ITGA3: variants seen among roughly 807,000 people sequenced by gnomAD.
The protein encoded by ITGA3 is integrin alpha-3.
ITGA3 carries 70 observed loss-of-function variants against 131.1 expected under a neutral mutation model. The ratio of observed to expected loss-of-function variants is 0.53; its 90% CI spans 0.44 to 0.65. The LOEUF (loss-of-function observed/expected upper bound fraction) is 0.65, where lower values mean the gene tolerates loss of function less well. ITGA3 is among the 30% of genes least tolerant of loss of function. The pLI, the probability that ITGA3 is intolerant of heterozygous loss-of-function variation, is 0.00. For missense variants in ITGA3, 1,098 were observed against 1,388.6 expected, an observed-to-expected ratio of 0.79 and a Z score of 3.33; for synonymous variants, 537 against 571.6, an observed-to-expected ratio of 0.94 and a Z score of 0.86.
chr17:50,061,481 C>T (rs1908073497), intron 1 of ITGA3, among the ~76,000 whole-genome samples: 1 of 152,082 alleles, frequency 6.6e-6, no homozygotes, highest in Admixed American at 6.5e-5. Context: ...ACTTCCATTA[C>T]AGGCGTGCCC....
chr17:50,074,402 G>T (rs755630660), intron 9 of ITGA3, 46 bp from the exon 10 acceptor site: 18 of 1,600,542 alleles, frequency 1.1e-5, no homozygotes, highest in Non-Finnish European at 1.5e-5. Context: ...CTGGCCTGGG[G>T]CAGGCAGGAG....
intron 16 of ITGA3, 37 bp downstream of exon 16, chr17:50,077,484 C>T: frequency 7.3e-6 from 11 of 1,502,132 alleles, no homozygotes; most frequent in Non-Finnish European, 1.0e-5. Context: ...CCTCCTGGGT[C>T]CCTGGCTGCA....
Position 50,077,364 on chromosome 17 carries a change from G to T in ITGA3, c.2071-15G>T, listed in dbSNP as rs1236852549. On this transcript the variant is annotated splice_polypyrimidine_tract_variant and intron_variant, in intron 15 of 25. Coordinates refer to ENST00000320031, the MANE Select transcript of ITGA3 (RefSeq NM_002204.4). ...CTTTGACCCGACCCTGACCTTATTCGCCTTCTTTCCTCAGCCCGGGGCCTG... is the reference window on the plus strand; with the variant it reads ...CTTTGACCCGACCCTGACCTTATTCTCCTTCTTTCCTCAGCCCGGGGCCTG... 2 of 1,612,354 alleles carry T rather than the reference G, an allele frequency of 1.2e-6. No individual in the cohort carries two copies. The highest frequency in any genetic ancestry group is 1.1e-5 in the South Asian group (1 of 91,046).
intron 1 of ITGA3, among the ~76,000 whole-genome samples, chr17:50,058,588 G>C (rs919997557): frequency 6.6e-6 from 1 of 152,236 alleles, no homozygotes; most frequent in Non-Finnish European, 1.5e-5. Flanking sequence ...AGCCTGCCAA[G>C]AGCCCAGAAG....
At chr17:50,081,878 T>C (rs937108044) in intron 23 of ITGA3, among the ~76,000 whole-genome samples, 1 of 152,094 alleles carries the variant, frequency 6.6e-6, no homozygotes, top group Non-Finnish European at 1.5e-5. Flanking sequence ...GGGCAATATG[T>C]ATGTATAGAG....
At chr17:50,075,785 G>A (rs750903140) in intron 12 of ITGA3, 50 bp downstream of exon 12, 66 of 1,596,718 alleles carry the variant, frequency 4.1e-5, no homozygotes, top group Non-Finnish European at 5.6e-5. Flanking sequence ...CCCTGGAGGA[G>A]GTGGCCAGTG....
At position 50,056,758 on chromosome 17, in the gene ITGA3, G is replaced by C; in HGVS notation, c.206+113G>C. On this transcript the variant is annotated intron_variant, in intron 1 of 25. Coordinates refer to ENST00000320031, the MANE Select transcript of ITGA3 (RefSeq NM_002204.4). The surrounding 1 kb of genome is among the most constrained non-coding windows in gnomAD (Gnocchi z 5.6). ...GCTGGCCCTTGGGAGCCAGGATTAAGGGGCGGCCCTCTGGCTGCTGGGGGT... is the reference window on the plus strand; with the variant it reads ...GCTGGCCCTTGGGAGCCAGGATTAACGGGCGGCCCTCTGGCTGCTGGGGGT... 1 of 1,091,634 alleles carries C rather than the reference G, an allele frequency of 9.2e-7. No individual in the cohort carries two copies. The highest frequency in any genetic ancestry group is 1.3e-6 in the Non-Finnish European group (1 of 771,038). 67.6% of individuals were successfully genotyped at this position (1,091,634 alleles called of 1,614,324 possible).
intron 23 of ITGA3, among the ~76,000 whole-genome samples, chr17:50,081,903 T>C (rs1909202325): frequency 6.6e-6 from 1 of 152,214 alleles, no homozygotes; most frequent in African/African-American, 2.4e-5. Context: ...AGGCAGGATA[T>C]CAAGGCAGAA....
rs367576728 is a variant in ITGA3 at position 50,084,847 on chromosome 17, GGA to G, written c.2920-2895_2920-2894del. Among the ~76,000 whole-genome samples, 205 of 152,070 alleles carry G rather than the reference GGA, an allele frequency of 1.3e-3. 1 individual carries two copies. Among genetic ancestry groups the G allele is most frequent in the African/African-American group, 4.8e-3 (201 of 41,464 alleles). ...GGAGAATCACTTGAGCCCAGGAGGT[GGA>G]GTCTCCAGTGATTCATGTTTGTGTT... On this transcript the variant is annotated intron_variant, in intron 23 of 25. Coordinates refer to ENST00000320031, the MANE Select transcript of ITGA3 (RefSeq NM_002204.4).
At chr17:50,073,795 C>T in intron 7 of ITGA3, 121 bp from the exon 8 acceptor site, 1 of 722,776 alleles carries the variant, frequency 1.4e-6, no homozygotes, top group East Asian at 2.5e-5. Flanking sequence ...ATGCTCTGAG[C>T]CCTGCCCATC....
At position 50,056,465 on chromosome 17, in the gene ITGA3, CCCG is replaced by C. The variant is rs1020814034; in HGVS notation, c.28_30del (p.Arg10del). ...ATGGGCCCCGGCCCCAGCCGCGCGC[CCCG>C]CGCCCCACGCCTGATGCTCTGTGCG... On this transcript the variant is annotated inframe_deletion, in exon 1 of 26. Transcript: ENST00000320031. The surrounding 1 kb of genome is among the most constrained non-coding windows in gnomAD (Gnocchi z 5.6). 2.6e-6 allele frequency: 4 copies of C among 1,537,918 alleles called. No homozygotes were observed. The highest frequency in any genetic ancestry group is 3.5e-6 in the Non-Finnish European group (4 of 1,142,098).
chr17:50,074,142 A>C lies in ITGA3; in HGVS notation c.1246-2A>C, dbSNP rs747690104. On this transcript the variant is annotated splice_acceptor_variant, in intron 8 of 25. Transcript: ENST00000320031. LOFTEE classifies it high-confidence loss of function. ...GCCCCCACCACTTTCCCCTGCCCCCAGGTAATCCATGGAGAGAAGCTGGGA... is the reference window on the plus strand; with the variant it reads ...GCCCCCACCACTTTCCCCTGCCCCCCGGTAATCCATGGAGAGAAGCTGGGA... The C allele has an allele frequency of 1.9e-6, 3 of 1,611,292 alleles. No individual in the cohort carries two copies. In the Admixed American group the frequency reaches 5.0e-5, roughly 27 times the overall value.
In ITGA3 at chr17:50,078,034, C is replaced by T. The variant is rs1908997680; in HGVS notation, c.2140-12C>T. The T allele has an allele frequency of 1.9e-6, 3 of 1,607,282 alleles. No individual in the cohort carries two copies. The highest frequency in any genetic ancestry group is 1.7e-5 in the Admixed American group (1 of 59,784). On this transcript the variant is annotated splice_polypyrimidine_tract_variant and intron_variant, in intron 16 of 25. Transcript: ENST00000320031. ...CATATGCCACTCTCTGCCTCCCTGACCCTTGTGGCAGATGGAGCTGCTCAT... is the reference window on the plus strand; with the variant it reads ...CATATGCCACTCTCTGCCTCCCTGATCCTTGTGGCAGATGGAGCTGCTCAT...
Position 50,080,298 on chromosome 17 carries a change from G to C in ITGA3, c.2743G>C (p.Glu915Gln), listed in dbSNP as rs146318392. 1.1e-4 allele frequency: 183 copies of C among 1,613,404 alleles called. 1 individual carries two copies. The African/African-American group carries it at 2.1e-3, about 18-fold the overall frequency. Residue 915 changes from glutamate to glutamine, a missense_variant, in exon 22 of 26, where the codon GAG (glutamate) becomes CAG (glutamine). Transcript: ENST00000320031. ...AGGGCGTGCCCACTGTGTGTGGCTA[G>C]AGTGCCCCATCCCTGATGCCCCCGT... ...ATGRAHCVWLECPIPDAPVVT... is the reference protein window; with the variant it reads ...ATGRAHCVWLQCPIPDAPVVT...
chr17:50,080,447 C>G, intron 22 of ITGA3, 72 bp downstream of exon 22: 2 of 783,622 alleles, frequency 2.6e-6, no homozygotes, highest in South Asian at 1.6e-5. Context: ...GAGGGCGAGT[C>G]CAGGGTCATA....
rs1413995754 is a variant in ITGA3 at position 50,076,316 on chromosome 17, C to T, written c.1675-10C>T. 29 of 1,612,226 alleles carry T rather than the reference C, an allele frequency of 1.8e-5. No individual in the cohort carries two copies. Among genetic ancestry groups the T allele is most frequent in the Non-Finnish European group, 2.4e-5 (28 of 1,179,154 alleles). On this transcript the variant is annotated splice_polypyrimidine_tract_variant and intron_variant, in intron 12 of 25. Transcript: ENST00000320031. ...TGCAGGGCCGGGCTCAGCTCACCCT[C>T]TCTCCCCAGGACAACCTCCGTGACA...
At chr17:50,085,241 G>A (rs1296602613) in intron 23 of ITGA3, among the ~76,000 whole-genome samples, 1 of 151,554 alleles carries the variant, frequency 6.6e-6, no homozygotes, top group Non-Finnish European at 1.5e-5. Flanking sequence ...AAGAGAGGGA[G>A]GAAGGGAGGT....
chr17:50,063,980 A>C, intron 1 of ITGA3, 97 bp from the exon 2 acceptor site: 1 of 1,495,782 alleles, frequency 6.7e-7, no homozygotes, highest in Non-Finnish European at 9.0e-7. Context: ...GTCTCCTGGC[A>C]CCAAGAATCT....
At position 50,089,527 on chromosome 17, in the gene ITGA3, T is replaced by C; in HGVS notation, c.*449T>C. 2.0e-6 allele frequency: 1 copy of C among 499,466 alleles called. No individual in the cohort carries two copies. Among genetic ancestry groups the C allele is most frequent in the East Asian group, 3.3e-5 (1 of 29,878 alleles). 30.9% of individuals were successfully genotyped at this position (499,466 alleles called of 1,614,324 possible). ...CACGTGGGGCCCACTGCTCGTGGAC[T>C]GTGCTGGTGCATCACGGATGGTGCA... is the stretch of plus-strand genomic sequence containing the variant. On this transcript the variant is annotated 3_prime_UTR_variant, in exon 26 of 26. Transcript: ENST00000320031.
Sources: allele counts gnomAD v4.1 joint callset (sites outside exome capture counted in the v4.1 genomes callset), GRCh38; gene constraint gnomAD v4.1.1; non-coding constraint Gnocchi (gnomAD v3.1); transcripts MANE v1.5; gene names NCBI Gene and HGNC (gene_info 2026-07-23, HGNC 2026-07-21).